The following LPP variants were observed in gnomAD, a reference collection of about 807,000 sequenced individuals.
The protein encoded by LPP is LIM domain containing preferred translocation partner in lipoma.
LPP carries 38 observed loss-of-function variants against 60.4 expected under a neutral mutation model. That is an observed-to-expected ratio of 0.63 (90% CI 0.49 to 0.83). The LOEUF (loss-of-function observed/expected upper bound fraction) is 0.83. Ranked by LOEUF, LPP falls within the 40% of genes least tolerant of loss-of-function variation. The pLI is 0.00. For synonymous variants in LPP, 328 were observed against 290.8 expected (o/e 1.13, Z -1.30); for missense variants, 902 against 783.6 (o/e 1.15, Z -1.80).
chr3:188,379,492 A>G (rs927296542), intron 3 of LPP, among the ~76,000 whole-genome samples: 1 of 152,218 alleles, frequency 6.6e-6, no homozygotes, highest in African/African-American at 2.4e-5. Flanking sequence ...ATTTTAGAAT[A>G]TGTCCCTCAC....
intron 1 of LPP, among the ~76,000 whole-genome samples, chr3:188,170,329 CTTTTTTTTT>C (rs34760455): frequency 2.1e-5 from 2 of 96,444 alleles, no homozygotes; most frequent in Non-Finnish European, 4.1e-5. Context: ...CTTTTCTTTT[CTTTTTTTTT>C]TTTTTTTTTT....
intron 6 of LPP, among the ~76,000 whole-genome samples, chr3:188,552,367 G>T (rs1828370158): frequency 6.6e-6 from 1 of 152,154 alleles, no homozygotes; most frequent in East Asian, 1.9e-4. Context: ...AGTAGAGGAT[G>T]CCATAAGGAC....
chr3:188,590,924 C>A (rs1255999468), intron 6 of LPP, among the ~76,000 whole-genome samples: 1 of 152,202 alleles, frequency 6.6e-6, no homozygotes, highest in Non-Finnish European at 1.5e-5. Flanking sequence ...CTTTCTGACC[C>A]TAAATTCCCA....
intron 5 of LPP, among the ~76,000 whole-genome samples, chr3:188,485,796 C>CACAAAAAAAA (rs1553911282): frequency 2.5e-5 from 1 of 40,156 alleles, no homozygotes; most frequent in African/African-American, 1.1e-4. Flanking sequence ...GACTCCGTCT[C>CACAAAAAAAA]AAAAAAAAAA....
At chr3:188,251,543 A>G (rs558959916) in intron 2 of LPP, among the ~76,000 whole-genome samples, 1 of 152,280 alleles carries the variant, frequency 6.6e-6, no homozygotes, top group South Asian at 2.1e-4. Context: ...ACCTACGTGT[A>G]TATGTTTATC....
intron 1 of LPP, among the ~76,000 whole-genome samples, chr3:188,190,165 C>T (rs1727760731): frequency 6.6e-6 from 1 of 151,358 alleles, no homozygotes; most frequent in African/African-American, 2.4e-5. Flanking sequence ...AAGCAATTCT[C>T]CCTGCCTCAG....
chr3:188,855,095 G>A (rs1345720782), intron 9 of LPP, among the ~76,000 whole-genome samples: 2 of 152,136 alleles, frequency 1.3e-5, no homozygotes, highest in African/African-American at 4.8e-5. Context: ...GACAAATACT[G>A]TAAGTAAAAA....
chr3:188,730,411 G>A (rs9825301), intron 8 of LPP, among the ~76,000 whole-genome samples: 3 of 152,166 alleles, frequency 2.0e-5, no homozygotes, highest in Admixed American at 6.5e-5. Context: ...TTTGTACCAC[G>A]TATTTACAGT....
At position 188,599,751 on chromosome 3, in the gene LPP, G is replaced by GGTGTGTGTGTGTGTGTGTGTGTGTGT. The variant is rs71169011; in HGVS notation, c.430-9396_430-9371dup. On this transcript the variant is annotated intron_variant, in intron 6 of 11. Transcript: ENST00000617246. ...CAAAAACTATCGGGGACTCGTTAGG[G>GGTGTGTGTGTGTGTGTGTGTGTGTGT]GTGTGTGTGTGTGTGTGTGTGTGTG... 6.4e-5 allele frequency among the ~76,000 whole-genome samples: 9 copies of GGTGTGTGTGTGTGTGTGTGTGTGTGT among 139,828 alleles called. 1 individual carries two copies. Among genetic ancestry groups the GGTGTGTGTGTGTGTGTGTGTGTGTGT allele is most frequent in the African/African-American group, 2.4e-4 (9 of 37,196 alleles). 91.7% of individuals were successfully genotyped at this position (139,828 alleles called of 152,430 possible). A position where few individuals can be genotyped will look rare whatever the true frequency, so the allele number is the denominator to read the frequency against.
chr3:188,650,696 A>T (rs941596277), intron 7 of LPP, among the ~76,000 whole-genome samples: 1 of 152,178 alleles, frequency 6.6e-6, no homozygotes, highest in Non-Finnish European at 1.5e-5. Flanking sequence ...AGGGCATTTG[A>T]TTATTAGGAT....
chr3:188,508,665 AC>A (rs2149983627), intron 5 of LPP, among the ~76,000 whole-genome samples: 1 of 152,330 alleles, frequency 6.6e-6, no homozygotes, highest in African/African-American at 2.4e-5. Context: ...TGCCATTTCG[AC>A]AGATGAGGAG....
chr3:188,218,299 C>T (rs916569510), intron 1 of LPP, among the ~76,000 whole-genome samples: 1 of 152,208 alleles, frequency 6.6e-6, no homozygotes, highest in Admixed American at 6.5e-5. Context: ...GCAGATACTT[C>T]ATTTTTCAGG....
At chr3:188,639,702 C>T (rs980607510) in intron 7 of LPP, among the ~76,000 whole-genome samples, 103 of 151,740 alleles carry the variant, frequency 6.8e-4, no homozygotes, top group African/African-American at 1.8e-3. Flanking sequence ...AAAAAGTGGG[C>T]GAAGGACATG....
chr3:188,374,251 A>T (rs1273696385), intron 3 of LPP, among the ~76,000 whole-genome samples: 3 of 152,168 alleles, frequency 2.0e-5, no homozygotes, highest in South Asian at 2.1e-4. Context: ...GAAGAAAGTC[A>T]TTGGTAGCTT....
chr3:188,785,439 ATATATATATATTC>A, intron 9 of LPP, among the ~76,000 whole-genome samples: 1 of 23,916 alleles, frequency 4.2e-5, no homozygotes, highest in African/African-American at 2.6e-4. Flanking sequence ...ATATTCCATC[ATATATATATATTC>A]CATCATATAT....
intron 5 of LPP, among the ~76,000 whole-genome samples, chr3:188,504,880 C>T (rs1813002370): frequency 1.3e-5 from 2 of 151,918 alleles, no homozygotes; most frequent in Admixed American, 1.3e-4. Flanking sequence ...GATAGTTGCC[C>T]CTTTTTCTTT....
chr3:188,495,595 C>A (rs1040935229), intron 5 of LPP, among the ~76,000 whole-genome samples: 1 of 152,060 alleles, frequency 6.6e-6, no homozygotes, highest in Non-Finnish European at 1.5e-5. Flanking sequence ...TGTTTAGTAA[C>A]CATGAACCTC....
intron 3 of LPP, among the ~76,000 whole-genome samples, chr3:188,359,745 T>C (rs1768720498): frequency 6.6e-6 from 1 of 152,176 alleles, no homozygotes; most frequent in Admixed American, 6.5e-5. Flanking sequence ...CCCTTGTTCC[T>C]TTCCCTATTT....
At chr3:188,855,947 T>C (rs1374260358) in intron 9 of LPP, among the ~76,000 whole-genome samples, 1 of 152,176 alleles carries the variant, frequency 6.6e-6, no homozygotes, top group African/African-American at 2.4e-5. Flanking sequence ...TCAGCAATTC[T>C]AGTTTAGTGC....
Sources: allele counts gnomAD v4.1 joint callset (sites outside exome capture counted in the v4.1 genomes callset), GRCh38; gene constraint gnomAD v4.1.1; transcripts MANE v1.5; gene names NCBI Gene and HGNC (gene_info 2026-07-23, HGNC 2026-07-21).